Variants in CSMD1 observed in about 807,000 individuals in gnomAD.
CSMD1 encodes the protein CUB and Sushi multiple domains 1, also known as CUB and sushi domain-containing protein 1.
A neutral mutation model predicts 417.5 loss-of-function variants in CSMD1; 213 were observed. The observed-to-expected ratio is 0.51, with a 90% CI of 0.46 to 0.57. The LOEUF (loss-of-function observed/expected upper bound fraction) is 0.57, where lower values mean the gene tolerates loss of function less well. CSMD1 is among the 20% of genes least tolerant of loss of function. The probability of loss-of-function intolerance (pLI) is 0.00; values close to 1 mark genes in which losing one functional copy is unlikely to be tolerated. For synonymous variants in CSMD1, 2,862 were observed against 1,736.8 expected (o/e 1.65, Z -16.11); for missense variants, 6,923 against 4,529.7 (o/e 1.53, Z -15.17).
In CSMD1 at chr8:3,681,596, T is replaced by C. The variant is rs568330056; in HGVS notation, c.1009+26818A>G. Reference sequence around the variant, plus strand: ...TTATGGATAGGAAGAGTAAATATCGTCAAAATGGCCATACTGCCCAAGGTA... The same window carrying C: ...TTATGGATAGGAAGAGTAAATATCGCCAAAATGGCCATACTGCCCAAGGTA... On this transcript the variant is annotated intron_variant, in intron 7 of 69. Transcript: ENST00000635120. 9.0e-4 allele frequency among the ~76,000 whole-genome samples: 137 copies of C among 152,204 alleles called. No individual in the cohort carries two copies. The East Asian group carries it at 9.3e-3, about 10-fold the overall frequency.
intron 3 of CSMD1, among the ~76,000 whole-genome samples, chr8:4,250,015 G>C (rs1022266646): frequency 1.3e-5 from 2 of 152,040 alleles, no homozygotes; most frequent in Non-Finnish European, 2.9e-5. Context: ...GGTCATAAGG[G>C]CTCTGTACCC....
intron 3 of CSMD1, among the ~76,000 whole-genome samples, chr8:4,199,058 G>A (rs1289101558): frequency 1.3e-5 from 2 of 152,018 alleles, no homozygotes; most frequent in Non-Finnish European, 2.9e-5. Flanking sequence ...TCTGCAGTCT[G>A]GCAAAACCCC....
At chr8:4,265,857 G>C (rs1244483663) in intron 3 of CSMD1, among the ~76,000 whole-genome samples, 1 of 104,234 alleles carries the variant, frequency 9.6e-6, no homozygotes, top group African/African-American at 2.6e-5. Flanking sequence ...TATTTCTATA[G>C]GTCCATGGTG....
chr8:4,593,555 T>G (rs1800099357), intron 2 of CSMD1, among the ~76,000 whole-genome samples: 1 of 152,210 alleles, frequency 6.6e-6, no homozygotes, highest in African/African-American at 2.4e-5. Flanking sequence ...TAGCACTTAA[T>G]ATTTATATAT....
chr8:2,975,380 T>C (rs1374417492), intron 55 of CSMD1, among the ~76,000 whole-genome samples: 4 of 152,220 alleles, frequency 2.6e-5, no homozygotes, highest in Non-Finnish European at 5.9e-5. Context: ...CAAATTTTTA[T>C]CTATATGCAA....
intron 3 of CSMD1, among the ~76,000 whole-genome samples, chr8:4,177,548 A>C (rs1367133369): frequency 2.0e-5 from 3 of 152,078 alleles, no homozygotes; most frequent in African/African-American, 7.2e-5. Flanking sequence ...AACACATTCA[A>C]AGCTAGCAGA....
At chr8:3,780,088 G>A (rs1053643077) in intron 5 of CSMD1, among the ~76,000 whole-genome samples, 1 of 152,080 alleles carries the variant, frequency 6.6e-6, no homozygotes, top group Non-Finnish European at 1.5e-5. Context: ...TCCTTTTACT[G>A]TACCAGTCGG....
chr8:3,975,179 T>C (rs76654168), intron 5 of CSMD1, among the ~76,000 whole-genome samples: 3 of 152,346 alleles, frequency 2.0e-5, no homozygotes, highest in Middle Eastern at 3.4e-3. Context: ...ATGATTTTCA[T>C]TCAGCATCCT....
intron 1 of CSMD1, among the ~76,000 whole-genome samples, chr8:4,698,920 A>T (rs916515363): frequency 1.3e-5 from 2 of 151,724 alleles, no homozygotes; most frequent in Non-Finnish European, 2.9e-5. Flanking sequence ...ACACACACAC[A>T]CACACACACA....
intron 3 of CSMD1, among the ~76,000 whole-genome samples, chr8:4,199,228 T>C (rs1437562917): frequency 6.6e-6 from 1 of 152,188 alleles, no homozygotes; most frequent in African/African-American, 2.4e-5. Context: ...CTCTTGAGGT[T>C]AGACCTAGCC....
At chr8:2,960,939 G>GAGATATATATATATATATAT (rs368123437) in intron 62 of CSMD1, among the ~76,000 whole-genome samples, 1 of 122,040 alleles carries the variant, frequency 8.2e-6, no homozygotes, top group South Asian at 2.8e-4. Flanking sequence ...TAGTAAGCAA[G>GAGATATATATATATATATAT]ATATATATAT....
intron 3 of CSMD1, among the ~76,000 whole-genome samples, chr8:4,057,567 G>A (rs184457043): frequency 2.0e-5 from 3 of 151,924 alleles, no homozygotes; most frequent in Admixed American, 6.6e-5. Flanking sequence ...TTTGGCTTTT[G>A]TTGCCATTGC....
intron 1 of CSMD1, among the ~76,000 whole-genome samples, chr8:4,900,846 T>C (rs1563715283): frequency 1.3e-5 from 2 of 152,224 alleles, no homozygotes; most frequent in African/African-American, 4.8e-5. Flanking sequence ...ATTTCTGTCC[T>C]TATGTAATGC....
At chr8:3,678,064 T>C (rs781230945) in intron 7 of CSMD1, among the ~76,000 whole-genome samples, 7 of 152,158 alleles carry the variant, frequency 4.6e-5, no homozygotes, top group African/African-American at 1.7e-4. Context: ...GGTTCAAAGA[T>C]GGCTGAATAG....
intron 3 of CSMD1, among the ~76,000 whole-genome samples, chr8:4,132,547 G>A (rs931839775): frequency 1.1e-4 from 16 of 152,072 alleles, no homozygotes; most frequent in African/African-American, 3.6e-4. Context: ...ATGCAAAGGG[G>A]GCAATAAATA....
intron 2 of CSMD1, among the ~76,000 whole-genome samples, chr8:4,453,004 C>T (rs1193370239): frequency 6.6e-6 from 1 of 152,104 alleles, no homozygotes; most frequent in Non-Finnish European, 1.5e-5. Context: ...TCCCACAGTC[C>T]TCTGAAGAAT....
At chr8:3,243,007 G>C (rs980923167) in intron 26 of CSMD1, among the ~76,000 whole-genome samples, 5 of 152,098 alleles carry the variant, frequency 3.3e-5, no homozygotes, top group African/African-American at 1.2e-4. Context: ...ACCAGCGCCG[G>C]AGTTTTGAGT....
intron 5 of CSMD1, among the ~76,000 whole-genome samples, chr8:3,867,881 G>C (rs565041072): frequency 1.3e-5 from 2 of 152,014 alleles, no homozygotes; most frequent in East Asian, 1.9e-4. Flanking sequence ...AGATCTTCCT[G>C]AACCGTTCCC....
chr8:4,961,084 C>A (rs544661480), intron 1 of CSMD1, among the ~76,000 whole-genome samples: 1 of 152,080 alleles, frequency 6.6e-6, no homozygotes, highest in Non-Finnish European at 1.5e-5. Context: ...AAATTAACAA[C>A]GGGTGTTTAC....
Sources: allele counts gnomAD v4.1 joint callset (sites outside exome capture counted in the v4.1 genomes callset), GRCh38; gene constraint gnomAD v4.1.1; transcripts MANE v1.5; gene names NCBI Gene and HGNC (gene_info 2026-07-23, HGNC 2026-07-21).